Variants in PLOD2 observed in about 807,000 individuals in gnomAD.
PLOD2 encodes lysine hydroxylase 2.
PLOD2 carries 65 observed loss-of-function variants against 101.0 expected under a neutral mutation model. That is an observed-to-expected ratio of 0.64 (90% CI 0.53 to 0.79). The LOEUF (loss-of-function observed/expected upper bound fraction) is 0.79, where lower values mean the gene tolerates loss of function less well. Ranked by LOEUF, PLOD2 falls within the 30% of genes least tolerant of loss-of-function variation. PLOD2 has a pLI of 0.00. For missense variants in PLOD2, 909 were observed against 914.6 expected, an observed-to-expected ratio of 0.99 and a Z score of 0.08; for synonymous variants, 314 against 302.9, an observed-to-expected ratio of 1.04 and a Z score of -0.38.
chr3:146,100,884 TGGCAGAATACTCTAGTTCCA>T (rs544450131), intron 7 of PLOD2, among the ~76,000 whole-genome samples: 2,862 of 152,278 alleles, frequency 0.019, 52 homozygotes, highest in South Asian at 0.042. Flanking sequence ...GTTTCTGCTT[TGGCAGAATACTCTAGTTCCA>T]GGCTGCTGGG....
intron 1 of PLOD2, among the ~76,000 whole-genome samples, chr3:146,133,997 C>T (rs1265386557): frequency 6.6e-6 from 1 of 151,944 alleles, no homozygotes; most frequent in Non-Finnish European, 1.5e-5. Context: ...GGAGTTTAAC[C>T]AGTAGGTTCA....
At position 146,081,824 on chromosome 3, in the gene PLOD2, C is replaced by G; in HGVS notation, c.1272G>C (p.Leu424=). 6.2e-7 allele frequency: 1 copy of G among 1,612,698 alleles called. No individual in the cohort carries two copies. Among genetic ancestry groups the G allele is most frequent in the Non-Finnish European group, 8.5e-7 (1 of 1,178,850 alleles). The part of the protein sequence containing the change: ...IAPLVTRHGK[L]WSNFWGALSP... Reference sequence around the variant, plus strand: ...TCAATGCTCCCCAGAAATTGGACCACAGCTTTCCATGACGAGTTACAAGAG... The same window carrying G: ...TCAATGCTCCCCAGAAATTGGACCAGAGCTTTCCATGACGAGTTACAAGAG... The change falls in exon 12 of 20, where the codon CTG becomes CTC. Residue 424 remains leucine, a synonymous_variant. Coordinates refer to ENST00000282903, the MANE Select transcript of PLOD2 (RefSeq NM_182943.3).
Position 146,088,788 on chromosome 3 carries a change from A to G in PLOD2, c.880-77T>C. Reference sequence around the variant, plus strand: ...TTTAAATTTTATTCAAATGTTAATCAGCATGACATAAAAAATACTAGAATA... The same window carrying G: ...TTTAAATTTTATTCAAATGTTAATCGGCATGACATAAAAAATACTAGAATA... On this transcript the variant is annotated intron_variant, in intron 8 of 19. Coordinates refer to ENST00000282903, the MANE Select transcript of PLOD2 (RefSeq NM_182943.3). The G allele has an allele frequency of 5.9e-6, 7 of 1,191,438 alleles. No homozygotes were observed. The South Asian group carries it at 6.4e-5, about 11-fold the overall frequency. 73.8% of individuals were successfully genotyped at this position (1,191,438 alleles called of 1,614,324 possible). A position where few individuals can be genotyped will look rare whatever the true frequency, so the allele number is the denominator to read the frequency against.
chr3:146,151,129 A>G (rs911699371), intron 1 of PLOD2, among the ~76,000 whole-genome samples: 1 of 152,206 alleles, frequency 6.6e-6, no homozygotes, highest in Non-Finnish European at 1.5e-5. Flanking sequence ...CTAACAAATA[A>G]TAGTAAGTTT....
At chr3:146,082,016 T>A (rs1936559883) in intron 11 of PLOD2, among the ~76,000 whole-genome samples, 153 bp from the exon 12 acceptor site, 1 of 152,172 alleles carries the variant, frequency 6.6e-6, no homozygotes, top group Non-Finnish European at 1.5e-5. Flanking sequence ...AAAATAAGGA[T>A]CTTCTTTCCC....
chr3:146,112,208 C>T (rs1183184856), intron 3 of PLOD2, among the ~76,000 whole-genome samples: 2 of 152,098 alleles, frequency 1.3e-5, no homozygotes, highest in Admixed American at 6.5e-5. Context: ...CATATGTCTA[C>T]TGCAGCATTA....
At chr3:146,127,781 T>G (rs2030659917) in intron 1 of PLOD2, among the ~76,000 whole-genome samples, 1 of 151,982 alleles carries the variant, frequency 6.6e-6, no homozygotes, top group South Asian at 2.1e-4. Flanking sequence ...TCACTAATCA[T>G]CAGAGAAGTG....
rs1277051870 is a variant in PLOD2 at position 146,113,928 on chromosome 3, G to C, written c.339-3480C>G. Among the ~76,000 whole-genome samples the C allele has an allele frequency of 5.3e-5, 8 of 152,274 alleles. No individual in the cohort carries two copies. In the East Asian group the frequency reaches 1.5e-3, roughly 29 times the overall value. On this transcript the variant is annotated intron_variant, in intron 3 of 19. Transcript: ENST00000282903. ...AAATATCGCTGAATTCTTTTTCTCA[G>C]TAAGGAACAGCCCTGAGAAAGAAAA... is the stretch of plus-strand genomic sequence containing the variant.
Position 146,124,147 on chromosome 3 carries a change from A to G in PLOD2, c.192T>C (p.Tyr64=). 1 of 1,536,986 alleles carries G rather than the reference A, an allele frequency of 6.5e-7. No individual in the cohort carries two copies. The highest frequency in any genetic ancestry group is 1.1e-5 in the South Asian group (1 of 89,510). Residue 64 remains tyrosine, a synonymous_variant, in exon 2 of 20, where the codon TAT becomes TAC. Coordinates refer to ENST00000282903, the MANE Select transcript of PLOD2 (RefSeq NM_182943.3). ...RFMQSAKYFN[Y]TVKVLGQGEE... is the part of the protein sequence containing the mutation. ...AAAGGATATACCATACCTTCACAGT[A>G]TAATTGAAATATTTGGCTGACTGCA...
chr3:146,081,783 T>G lies in PLOD2; in HGVS notation c.1313A>C (p.Tyr438Ser). 2 of 1,610,724 alleles carry G rather than the reference T, an allele frequency of 1.2e-6. No individual in the cohort carries two copies. Among genetic ancestry groups the G allele is most frequent in the Non-Finnish European group, 1.7e-6 (2 of 1,177,044 alleles). Residue 438 changes from tyrosine to serine, a missense_variant, in exon 12 of 20, where the codon TAT becomes TCT. Transcript: ENST00000282903. ...FWGALSPDGY[Y>S]ARSEDYVDIV... ...ATCCACATAATCTTCAGATCGTGCA[T>G]AGTATCCATCAGGACTCAATGCTCC...
intron 1 of PLOD2, among the ~76,000 whole-genome samples, chr3:146,124,808 ATTAT>A (rs1354460789): frequency 6.6e-6 from 1 of 152,134 alleles, no homozygotes; most frequent in African/African-American, 2.4e-5. Flanking sequence ...AAGCGACAAC[ATTAT>A]TTATTGTGTT....
At chr3:146,145,304 C>T (rs556469643) in intron 1 of PLOD2, among the ~76,000 whole-genome samples, 37 of 152,252 alleles carry the variant, frequency 2.4e-4, no homozygotes, top group African/African-American at 8.4e-4. Context: ...CCTAGATAGG[C>T]ATGTATTAAT....
intron 1 of PLOD2, among the ~76,000 whole-genome samples, chr3:146,143,594 C>T (rs1004877953): frequency 3.3e-5 from 5 of 152,046 alleles, no homozygotes; most frequent in African/African-American, 1.2e-4. Context: ...CATTGTCAAT[C>T]CCTTCTTTCT....
At chr3:146,105,375 TCCACAAA>T (rs1251263240) in intron 5 of PLOD2, among the ~76,000 whole-genome samples, 3 of 152,124 alleles carry the variant, frequency 2.0e-5, no homozygotes, top group African/African-American at 7.2e-5. Flanking sequence ...ATATTTGAAA[TCCACAAA>T]TTGGCTATAA....
chr3:146,116,657 T>TA (rs972969137), intron 3 of PLOD2, among the ~76,000 whole-genome samples: 8 of 152,042 alleles, frequency 5.3e-5, no homozygotes, highest in Non-Finnish European at 8.8e-5. Context: ...TATTCACCCA[T>TA]AAAAAAGAAG....
intron 1 of PLOD2, among the ~76,000 whole-genome samples, chr3:146,132,916 T>C (rs369605014): frequency 3.5e-4 from 54 of 152,306 alleles, no homozygotes; most frequent in Middle Eastern, 6.8e-3. Flanking sequence ...CGGTAGCTCA[T>C]GCCTGTAATC....
chr3:146,101,144 C>T (rs1027241798), intron 7 of PLOD2, among the ~76,000 whole-genome samples: 10 of 152,060 alleles, frequency 6.6e-5, no homozygotes, highest in African/African-American at 2.4e-4. Context: ...CAGAAATCTA[C>T]CACTTGAGTA....
intron 3 of PLOD2, among the ~76,000 whole-genome samples, chr3:146,110,835 C>T (rs1444190052): frequency 6.6e-6 from 1 of 152,090 alleles, no homozygotes; most frequent in East Asian, 1.9e-4. Context: ...CCTAATATTT[C>T]AAGTAAATTT....
At chr3:146,103,879 TCTA>T (rs1937481581) in intron 6 of PLOD2, among the ~76,000 whole-genome samples, 1 of 150,692 alleles carries the variant, frequency 6.6e-6, no homozygotes, top group African/African-American at 2.4e-5. Context: ...TCTTCCCCAG[TCTA>T]CTGTCTAGTT....
Sources: allele counts gnomAD v4.1 joint callset (sites outside exome capture counted in the v4.1 genomes callset), GRCh38; gene constraint gnomAD v4.1.1; transcripts MANE v1.5; gene names NCBI Gene and HGNC (gene_info 2026-07-23, HGNC 2026-07-21).